The following DGKB variants were observed in gnomAD, a reference collection of about 807,000 sequenced individuals.
DGKB encodes 90 kDa diacylglycerol kinase.
DGKB carries 67 observed loss-of-function variants against 114.3 expected under a neutral mutation model. The ratio of observed to expected loss-of-function variants is 0.59; its 90% CI spans 0.48 to 0.72. The LOEUF (loss-of-function observed/expected upper bound fraction) is 0.72. DGKB is among the 30% of genes least tolerant of loss of function. DGKB has a pLI of 0.00. For missense variants in DGKB, 907 were observed against 975.2 expected, an observed-to-expected ratio of 0.93 and a Z score of 0.93; for synonymous variants, 398 against 323.1, an observed-to-expected ratio of 1.23 and a Z score of -2.49.
intron 1 of DGKB, among the ~76,000 whole-genome samples, chr7:14,938,040 G>A (rs976555131): frequency 6.6e-6 from 1 of 152,134 alleles, no homozygotes; most frequent in Non-Finnish European, 1.5e-5. Context: ...ATTTTGTTGT[G>A]CTGCGGATGG....
chr7:14,373,935 G>A (rs918779683), intron 21 of DGKB, among the ~76,000 whole-genome samples: 8 of 151,968 alleles, frequency 5.3e-5, no homozygotes, highest in Non-Finnish European at 1.0e-4. Context: ...CATGTTTTGA[G>A]TTTATCCTTA....
intron 25 of DGKB, among the ~76,000 whole-genome samples, chr7:14,168,764 G>A (rs1404701518): frequency 1.3e-5 from 2 of 152,216 alleles, no homozygotes; most frequent in African/African-American, 4.8e-5. Flanking sequence ...TTGGAATGCT[G>A]TTAAGAAGAT....
chr7:14,170,049 G>A (rs957880070), intron 25 of DGKB, among the ~76,000 whole-genome samples: 10 of 150,578 alleles, frequency 6.6e-5, no homozygotes, highest in Admixed American at 1.3e-4. Flanking sequence ...CAGGAGAATC[G>A]CTTGAACCCA....
chr7:14,670,576 A>G (rs1290115387), intron 13 of DGKB, among the ~76,000 whole-genome samples: 1 of 152,024 alleles, frequency 6.6e-6, no homozygotes, highest in African/African-American at 2.4e-5. Flanking sequence ...AAATGCAGGG[A>G]TTACAGGCGT....
At chr7:14,752,033 T>C (rs966245936) in intron 4 of DGKB, among the ~76,000 whole-genome samples, 1 of 152,168 alleles carries the variant, frequency 6.6e-6, no homozygotes, top group African/African-American at 2.4e-5. Context: ...ATAAGGCTGA[T>C]GCTCTCTTCC....
intron 1 of DGKB, among the ~76,000 whole-genome samples, chr7:14,969,625 A>G (rs1787346790): frequency 6.6e-6 from 1 of 152,106 alleles, no homozygotes; most frequent in Non-Finnish European, 1.5e-5. Flanking sequence ...CATGCGAGGG[A>G]TCTACGTTGT....
At chr7:14,651,258 T>G (rs1479008640) in intron 13 of DGKB, among the ~76,000 whole-genome samples, 2 of 152,156 alleles carry the variant, frequency 1.3e-5, no homozygotes, top group African/African-American at 4.8e-5. Context: ...AATAAAATAC[T>G]GGCAAACCGA....
intron 2 of DGKB, among the ~76,000 whole-genome samples, chr7:14,811,916 A>G (rs192141970): frequency 3.2e-4 from 48 of 152,118 alleles, no homozygotes; most frequent in African/African-American, 9.9e-4. Context: ...TCCCCAACTG[A>G]AACCTCTTTA....
At chr7:14,924,076 T>C (rs79538209) in intron 1 of DGKB, among the ~76,000 whole-genome samples, 5,642 of 151,296 alleles carry the variant, frequency 0.037, 178 homozygotes, top group East Asian at 0.14. Flanking sequence ...TCTTGATTAC[T>C]AACTACCTGT....
At chr7:14,607,565 A>G in intron 16 of DGKB, 57 bp from the exon 17 acceptor site, 1 of 735,754 alleles carries the variant, frequency 1.4e-6, no homozygotes, top group East Asian at 2.9e-5. Context: ...TTTTAAAATA[A>G]GTAATGTCTC....
chr7:14,225,584 T>C (rs1454596430), intron 23 of DGKB, among the ~76,000 whole-genome samples: 3 of 152,218 alleles, frequency 2.0e-5, no homozygotes, highest in Middle Eastern at 6.8e-3. Context: ...TTTTTATAGC[T>C]TGAATGTGGC....
At chr7:14,693,308 T>C (rs1249001949) in intron 9 of DGKB, among the ~76,000 whole-genome samples, 1 of 152,112 alleles carries the variant, frequency 6.6e-6, no homozygotes, top group African/African-American at 2.4e-5. Flanking sequence ...AAATCTGGCA[T>C]ACACTATAGA....
chr7:14,278,385 A>T (rs1489967501), intron 23 of DGKB, among the ~76,000 whole-genome samples: 1 of 152,192 alleles, frequency 6.6e-6, no homozygotes, highest in African/African-American at 2.4e-5. Flanking sequence ...AAAAACACAC[A>T]ATGGGGAAAG....
intron 13 of DGKB, among the ~76,000 whole-genome samples, chr7:14,644,104 T>A (rs1378930662): frequency 4.1e-5 from 6 of 145,962 alleles, no homozygotes; most frequent in Non-Finnish European, 9.0e-5. Flanking sequence ...ATGCTACTGA[T>A]TTGATTACAG....
At chr7:14,162,435 T>G (rs1188585101) in intron 25 of DGKB, among the ~76,000 whole-genome samples, 1 of 152,228 alleles carries the variant, frequency 6.6e-6, no homozygotes, top group East Asian at 1.9e-4. Context: ...TTTTATCATA[T>G]TTACAGGCTT....
Position 14,186,826 on chromosome 7 carries a change from C to T in DGKB, c.2123-8675G>A, listed in dbSNP as rs2128260701. Reference sequence around the variant, plus strand: ...ATGTGGGAGATAAGCTATGAGGAAGCAAAGGCATAAGGATGATACAGTAGA... The same window carrying T: ...ATGTGGGAGATAAGCTATGAGGAAGTAAAGGCATAAGGATGATACAGTAGA... On this transcript the variant is annotated intron_variant, in intron 23 of 25. Coordinates refer to ENST00000402815, the MANE Select transcript of DGKB (RefSeq NM_001350709.2). Among the ~76,000 whole-genome samples, 2 of 152,084 alleles carry T rather than the reference C, an allele frequency of 1.3e-5. 1 individual carries two copies. The highest frequency in any genetic ancestry group is 4.2e-4 in the South Asian group (2 of 4,816).
intron 20 of DGKB, among the ~76,000 whole-genome samples, chr7:14,565,053 T>G (rs1479519103): frequency 2.0e-5 from 3 of 152,324 alleles, no homozygotes; most frequent in Non-Finnish European, 4.4e-5. Context: ...AAGAGGTAGA[T>G]TCTATATCTT....
intron 2 of DGKB, among the ~76,000 whole-genome samples, chr7:14,807,207 C>T (rs1562587248): frequency 6.6e-6 from 1 of 151,978 alleles, no homozygotes; most frequent in African/African-American, 2.4e-5. Flanking sequence ...TCTCTAACTG[C>T]AGGAGTTCTA....
chr7:14,167,914 A>G (rs982685840), intron 25 of DGKB, among the ~76,000 whole-genome samples: 1 of 152,224 alleles, frequency 6.6e-6, no homozygotes, highest in African/African-American at 2.4e-5. Context: ...GAATATAATA[A>G]AAAGTTTCTC....
Sources: allele counts gnomAD v4.1 joint callset (sites outside exome capture counted in the v4.1 genomes callset), GRCh38; gene constraint gnomAD v4.1.1; transcripts MANE v1.5; gene names NCBI Gene and HGNC (gene_info 2026-07-23, HGNC 2026-07-21).